LRRC4C: variants seen among roughly 807,000 people sequenced by gnomAD.
LRRC4C encodes the protein leucine rich repeat containing 4C, also known as leucine-rich repeat-containing protein 4C.
A neutral mutation model predicts 33.6 loss-of-function variants in LRRC4C; 5 were observed. The ratio of observed to expected loss-of-function variants is 0.15; its 90% CI spans 0.08 to 0.31. The LOEUF is 0.31. Ranked by LOEUF, LRRC4C falls within the 10% of genes least tolerant of loss-of-function variation. The pLI is 1.00. For synonymous variants in LRRC4C, 329 were observed against 302.0 expected (o/e 1.09, Z -0.93); for missense variants, 560 against 796.7 (o/e 0.70, Z 3.58).
At chr11:40,469,114 T>C (rs973008765) in intron 3 of LRRC4C, among the ~76,000 whole-genome samples, 10 of 152,208 alleles carry the variant, frequency 6.6e-5, no homozygotes, top group African/African-American at 2.4e-4. Context: ...GGAACAGCTC[T>C]GGTCTGCAGC....
At chr11:41,277,594 A>C (rs1478319310) in intron 1 of LRRC4C, among the ~76,000 whole-genome samples, 2 of 152,158 alleles carry the variant, frequency 1.3e-5, no homozygotes, top group African/African-American at 4.8e-5. Flanking sequence ...GACAGCATAA[A>C]GTGAGGTCTG....
At chr11:41,073,283 G>T (rs1938850243) in intron 1 of LRRC4C, among the ~76,000 whole-genome samples, 1 of 152,140 alleles carries the variant, frequency 6.6e-6, no homozygotes. Flanking sequence ...GCCAGTGCGT[G>T]CAGAGATCAC....
intron 2 of LRRC4C, among the ~76,000 whole-genome samples, chr11:40,678,925 G>A (rs1183505934): frequency 6.6e-6 from 1 of 152,138 alleles, no homozygotes; most frequent in African/African-American, 2.4e-5. Flanking sequence ...CTGGGTAACA[G>A]GCAGAGGTTG....
intron 5 of LRRC4C, among the ~76,000 whole-genome samples, chr11:40,231,637 G>A (rs1865207856): frequency 6.6e-6 from 1 of 152,082 alleles, no homozygotes; most frequent in Admixed American, 6.5e-5. Flanking sequence ...GGTTTAGATA[G>A]ACACAGACAT....
chr11:40,515,398 G>C (rs1011057372), intron 3 of LRRC4C, among the ~76,000 whole-genome samples: 40 of 151,924 alleles, frequency 2.6e-4, no homozygotes, highest in African/African-American at 9.4e-4. Flanking sequence ...TGCACAGTCA[G>C]GAAAGAAAAA....
intron 2 of LRRC4C, among the ~76,000 whole-genome samples, chr11:40,875,469 A>G (rs922856577): frequency 6.6e-6 from 1 of 152,196 alleles, no homozygotes; most frequent in African/African-American, 2.4e-5. Context: ...CCTCTAGGAT[A>G]GTAGTATGAC....
chr11:40,438,117 C>T (rs1334024163), intron 3 of LRRC4C, among the ~76,000 whole-genome samples: 4 of 152,222 alleles, frequency 2.6e-5, no homozygotes, highest in African/African-American at 7.2e-5. Context: ...CCTGTCAGCA[C>T]ACTGTGATCT....
At chr11:40,229,571 C>T (rs1342122515) in intron 5 of LRRC4C, among the ~76,000 whole-genome samples, 1 of 152,158 alleles carries the variant, frequency 6.6e-6, no homozygotes, top group African/African-American at 2.4e-5. Context: ...CCACACCTGG[C>T]CCTTATGGCT....
At chr11:41,007,547 C>A (rs1854849497) in intron 1 of LRRC4C, among the ~76,000 whole-genome samples, 1 of 151,946 alleles carries the variant, frequency 6.6e-6, no homozygotes, top group Non-Finnish European at 1.5e-5. Context: ...TAGATGAACA[C>A]CCACACATAT....
intron 3 of LRRC4C, among the ~76,000 whole-genome samples, chr11:40,460,904 C>T (rs1952362078): frequency 6.6e-6 from 1 of 152,142 alleles, no homozygotes; most frequent in African/African-American, 2.4e-5. Context: ...CAACCAAATG[C>T]ATTTCCTTAA....
At chr11:41,338,368 G>A (rs2137440030) in intron 1 of LRRC4C, among the ~76,000 whole-genome samples, 1 of 152,184 alleles carries the variant, frequency 6.6e-6, no homozygotes, top group South Asian at 2.1e-4. Flanking sequence ...TAGCCATAAA[G>A]AGAAATGAGA....
intron 1 of LRRC4C, among the ~76,000 whole-genome samples, chr11:41,252,154 T>G (rs1458902656): frequency 1.3e-5 from 2 of 152,176 alleles, no homozygotes; most frequent in Non-Finnish European, 2.9e-5. Context: ...AGGGATTGAA[T>G]TCAACTCTGT....
At chr11:41,037,311 G>C (rs1052586456) in intron 1 of LRRC4C, among the ~76,000 whole-genome samples, 1 of 151,220 alleles carries the variant, frequency 6.6e-6, no homozygotes, top group Non-Finnish European at 1.5e-5. Flanking sequence ...TGCCTCAATG[G>C]AAAGTGATTG....
chr11:40,340,990 G>C (rs532652903), intron 3 of LRRC4C, among the ~76,000 whole-genome samples: 8 of 152,238 alleles, frequency 5.3e-5, no homozygotes, highest in Admixed American at 2.6e-4. Flanking sequence ...TTTTGGTCGT[G>C]AGTGCAGCAC....
intron 5 of LRRC4C, among the ~76,000 whole-genome samples, chr11:40,147,881 A>C (rs546075199): frequency 6.6e-6 from 1 of 151,958 alleles, no homozygotes; most frequent in East Asian, 1.9e-4. Flanking sequence ...ATTTTTCTTG[A>C]TCCTCTCCCT....
At chr11:41,331,441 T>C (rs1425787062) in intron 1 of LRRC4C, among the ~76,000 whole-genome samples, 1 of 152,200 alleles carries the variant, frequency 6.6e-6, no homozygotes, top group Non-Finnish European at 1.5e-5. Flanking sequence ...TAGTTTTTAA[T>C]GCATGCATGA....
intron 1 of LRRC4C, among the ~76,000 whole-genome samples, chr11:41,287,541 G>C (rs1008566532): frequency 3.3e-5 from 5 of 152,044 alleles, no homozygotes; most frequent in African/African-American, 1.2e-4. Context: ...TTCTTTTTCA[G>C]TAGAAAACTA....
At chr11:40,776,093 T>C (rs1010176468) in intron 2 of LRRC4C, among the ~76,000 whole-genome samples, 6 of 152,156 alleles carry the variant, frequency 3.9e-5, no homozygotes, top group African/African-American at 1.4e-4. Flanking sequence ...TTGTGTTTGT[T>C]GAACCAACCT....
chr11:40,179,648 C>A (rs890546657), intron 5 of LRRC4C, among the ~76,000 whole-genome samples: 1 of 152,134 alleles, frequency 6.6e-6, no homozygotes, highest in Non-Finnish European at 1.5e-5. Flanking sequence ...GAGATCAGGA[C>A]CCCCGCATCC....
Sources: allele counts gnomAD v4.1 joint callset (sites outside exome capture counted in the v4.1 genomes callset), GRCh38; gene constraint gnomAD v4.1.1; transcripts MANE v1.5; gene names NCBI Gene and HGNC (gene_info 2026-07-23, HGNC 2026-07-21).